TLK1: variants seen among roughly 807,000 people sequenced by gnomAD.
TLK1 encodes the protein tousled like kinase 1, also known as serine/threonine-protein kinase tousled-like 1.
A neutral mutation model predicts 105.3 loss-of-function variants in TLK1; 24 were observed. That is an observed-to-expected ratio of 0.23 (90% CI 0.17 to 0.32). The LOEUF is 0.32. Among genes scored for constraint, TLK1 ranks in the 10% least tolerant of loss-of-function variants. TLK1 has a pLI of 1.00. For missense variants in TLK1, 558 were observed against 910.5 expected (o/e 0.61, Z 4.98); for synonymous variants, 321 against 310.4 (o/e 1.03, Z -0.36).
intron 1 of TLK1, among the ~76,000 whole-genome samples, chr2:171,198,971 A>G (rs1001917967): frequency 6.6e-6 from 1 of 152,242 alleles, no homozygotes; most frequent in East Asian, 1.9e-4. Flanking sequence ...AACATGAATT[A>G]TTAAAAGTAA....
At chr2:171,188,928 C>T (rs1693090935) in intron 1 of TLK1, among the ~76,000 whole-genome samples, 1 of 150,530 alleles carries the variant, frequency 6.6e-6, no homozygotes, top group African/African-American at 2.4e-5. Flanking sequence ...TCGTTTGATA[C>T]ATTATCCATG....
intron 1 of TLK1, among the ~76,000 whole-genome samples, chr2:171,186,920 T>A (rs1302463596): frequency 6.6e-6 from 1 of 150,818 alleles, no homozygotes; most frequent in African/African-American, 2.4e-5. Flanking sequence ...TGGCTGGGCG[T>A]GGTGGCGGTT....
intron 1 of TLK1, among the ~76,000 whole-genome samples, chr2:171,169,371 C>T (rs1558979137): frequency 6.6e-6 from 1 of 152,034 alleles, no homozygotes; most frequent in Non-Finnish European, 1.5e-5. Flanking sequence ...ATAAGAGCAT[C>T]TCAGTGAATA....
At chr2:171,150,401 T>G (rs1222263395) in intron 1 of TLK1, among the ~76,000 whole-genome samples, 4 of 152,232 alleles carry the variant, frequency 2.6e-5, no homozygotes, top group Admixed American at 2.6e-4. Flanking sequence ...TGTTTTTTGC[T>G]CATTATCATC....
intron 1 of TLK1, among the ~76,000 whole-genome samples, chr2:171,200,881 C>CTTTTT (rs34320208): frequency 7.7e-6 from 1 of 129,698 alleles, no homozygotes. Context: ...CAGATCCCTT[C>CTTTTT]TTTTTTTTTT....
chr2:171,151,151 G>A (rs1030977253), intron 1 of TLK1, among the ~76,000 whole-genome samples: 1 of 151,914 alleles, frequency 6.6e-6, no homozygotes, highest in Non-Finnish European at 1.5e-5. Flanking sequence ...CCAACTAGCT[G>A]CAACTACAGG....
intron 6 of TLK1, among the ~76,000 whole-genome samples, chr2:171,055,713 T>C (rs1239865722): frequency 6.6e-6 from 1 of 151,988 alleles, no homozygotes; most frequent in Non-Finnish European, 1.5e-5. Flanking sequence ...CTTACTTTTA[T>C]ACACGGCAAT....
chr2:171,107,535 C>CTAGA (rs1689981949), intron 2 of TLK1, among the ~76,000 whole-genome samples: 1 of 152,112 alleles, frequency 6.6e-6, no homozygotes, highest in Non-Finnish European at 1.5e-5. Flanking sequence ...TAACTAGCAC[C>CTAGA]TAGATGTTGG....
At chr2:171,013,012 A>ATT (rs71008744) in intron 13 of TLK1, among the ~76,000 whole-genome samples, 132 of 147,904 alleles carry the variant, frequency 8.9e-4, no homozygotes, top group East Asian at 1.2e-3. Flanking sequence ...GCTCTATTAG[A>ATT]TTTTTTTTTT....
At chr2:171,057,237 G>A (rs895517061) in intron 5 of TLK1, among the ~76,000 whole-genome samples, 1 of 151,984 alleles carries the variant, frequency 6.6e-6, no homozygotes, top group Non-Finnish European at 1.5e-5. Context: ...GTTCCTCTGG[G>A]GGTGTAGATT....
In TLK1 at chr2:171,187,074, A is replaced by G. The variant is rs894123737; in HGVS notation, c.-6+44071T>C. ...CTCTGTCTCAAAAAAAAAAAAAAAA[A>G]AAAAAAAAAGAAAAAGAAAAAGAAA... On this transcript the variant is annotated intron_variant, in intron 1 of 20. Transcript: ENST00000521943. Among the ~76,000 whole-genome samples, 42 of 129,126 alleles carry G rather than the reference A, an allele frequency of 3.3e-4. No individual in the cohort carries two copies. In the South Asian group the frequency reaches 3.5e-3, roughly 11 times the overall value. 84.7% of individuals were successfully genotyped at this position (129,126 alleles called of 152,430 possible).
At position 171,019,903 on chromosome 2, in the gene TLK1, C is replaced by A. The variant is rs897837519; in HGVS notation, c.1237-4955G>T. 4.6e-5 allele frequency among the ~76,000 whole-genome samples: 7 copies of A among 151,556 alleles called. 1 individual carries two copies. Among genetic ancestry groups the A allele is most frequent in the African/African-American group, 1.7e-4 (7 of 41,222 alleles). On this transcript the variant is annotated intron_variant, in intron 12 of 20. Coordinates refer to ENST00000431350, the MANE Select transcript of TLK1 (RefSeq NM_012290.5). ...CAAAATCCTTTATCTACTAAAAATA[C>A]AAAGATAAGCCAGACGTGGTGGTGC...
intron 1 of TLK1, among the ~76,000 whole-genome samples, chr2:171,228,686 T>C (rs1693941141): frequency 6.6e-6 from 1 of 152,244 alleles, no homozygotes; most frequent in South Asian, 2.1e-4. Flanking sequence ...TGACAGCGTT[T>C]AAACTCATGT....
chr2:171,036,755 C>G (rs564196771), intron 11 of TLK1, among the ~76,000 whole-genome samples: 1 of 152,256 alleles, frequency 6.6e-6, no homozygotes, highest in Admixed American at 6.5e-5. Context: ...ACTCATATCT[C>G]ATTTATTTGA....
At position 171,150,460 on chromosome 2, in the gene TLK1, G is replaced by A. The variant is rs959745022; in HGVS notation, c.139+9830C>T. Reference sequence around the variant, plus strand: ...CATCCAATTCATGTCATCTCAAGGGGACTGTCAATCCTGGCTTTCTGTGGG... The same window carrying A: ...CATCCAATTCATGTCATCTCAAGGGAACTGTCAATCCTGGCTTTCTGTGGG... On this transcript the variant is annotated intron_variant, in intron 1 of 20. Transcript: ENST00000431350. Among the ~76,000 whole-genome samples, 4 of 152,266 alleles carry A rather than the reference G, an allele frequency of 2.6e-5. No homozygotes were observed. In the East Asian group the frequency reaches 5.8e-4, roughly 22 times the overall value.
intron 1 of TLK1, among the ~76,000 whole-genome samples, chr2:171,132,928 G>A (rs377144051): frequency 7.9e-5 from 12 of 152,108 alleles, no homozygotes; most frequent in Non-Finnish European, 1.2e-4. Flanking sequence ...TCTCAGCAAC[G>A]ATTTCTTTAT....
intron 12 of TLK1, among the ~76,000 whole-genome samples, chr2:171,022,609 T>C (rs536016074): frequency 1.8e-4 from 27 of 152,310 alleles, no homozygotes; most frequent in East Asian, 5.8e-4. Context: ...TTGGCTTTAA[T>C]TGAGAGAATT....
At chr2:171,008,110 A>G (rs1684730026) in intron 14 of TLK1, among the ~76,000 whole-genome samples, 1 of 152,188 alleles carries the variant, frequency 6.6e-6, no homozygotes, top group Admixed American at 6.5e-5. Context: ...GGAAGGGATA[A>G]GCAGTAAAGT....
At chr2:171,226,352 A>T (rs963669672) in intron 1 of TLK1, among the ~76,000 whole-genome samples, 4 of 152,158 alleles carry the variant, frequency 2.6e-5, no homozygotes, top group South Asian at 2.1e-4. Flanking sequence ...AGAGCAGAAG[A>T]CCTATTAGAA....
Sources: allele counts gnomAD v4.1 joint callset (sites outside exome capture counted in the v4.1 genomes callset), GRCh38; gene constraint gnomAD v4.1.1; transcripts MANE v1.5; gene names NCBI Gene and HGNC (gene_info 2026-07-23, HGNC 2026-07-21).